The following OPCML variants were observed in gnomAD, a reference collection of about 807,000 sequenced individuals.
OPCML encodes opioid-binding protein/cell adhesion molecule.
In OPCML, 13 loss-of-function variants were observed where a neutral mutation model predicts 37.8. The observed-to-expected ratio is 0.34, with a 90% CI of 0.22 to 0.55. The LOEUF is 0.55. Among genes scored for constraint, OPCML ranks in the 20% least tolerant of loss-of-function variants. OPCML has a pLI of 0.91. For synonymous variants in OPCML, 176 were observed against 168.8 expected (o/e 1.04, Z -0.33); for missense variants, 341 against 435.6 (o/e 0.78, Z 1.93).
At chr11:133,281,007 A>G (rs993129091) in intron 1 of OPCML, among the ~76,000 whole-genome samples, 1 of 152,184 alleles carries the variant, frequency 6.6e-6, no homozygotes, top group African/African-American at 2.4e-5. Context: ...CTGGTAGCTC[A>G]AGAGTTTCAA....
intron 2 of OPCML, among the ~76,000 whole-genome samples, chr11:132,663,332 C>G (rs1485452306): frequency 6.6e-6 from 1 of 152,172 alleles, no homozygotes; most frequent in African/African-American, 2.4e-5. Flanking sequence ...CATAAGGAGA[C>G]TTATATGTGG....
At chr11:132,660,982 T>C (rs1177279352) in intron 2 of OPCML, among the ~76,000 whole-genome samples, 4 of 152,176 alleles carry the variant, frequency 2.6e-5, no homozygotes, top group African/African-American at 9.7e-5. Flanking sequence ...TCGTTGTCCT[T>C]GTATAGGACC....
chr11:133,112,399 TTTG>T (rs1364842481), intron 1 of OPCML, among the ~76,000 whole-genome samples: 1 of 150,602 alleles, frequency 6.6e-6, no homozygotes, highest in Non-Finnish European at 1.5e-5. Flanking sequence ...AAAATCAACA[TTTG>T]TTGTGATGCT....
chr11:133,495,533 G>A (rs927119038), intron 1 of OPCML, among the ~76,000 whole-genome samples: 5 of 152,158 alleles, frequency 3.3e-5, no homozygotes, highest in Non-Finnish European at 4.4e-5. Flanking sequence ...GTGGAGAAGC[G>A]TTCCCTGATC....
intron 1 of OPCML, among the ~76,000 whole-genome samples, chr11:133,417,427 G>A (rs1473166755): frequency 6.6e-6 from 1 of 152,160 alleles, no homozygotes; most frequent in East Asian, 1.9e-4. Context: ...ATTTGCCCAA[G>A]ATCACAGAGC....
intron 1 of OPCML, among the ~76,000 whole-genome samples, chr11:133,432,009 C>G (rs1342345069): frequency 1.3e-5 from 2 of 152,018 alleles, no homozygotes; most frequent in Non-Finnish European, 2.9e-5. Flanking sequence ...GAACCAAATA[C>G]TGCATGTTCT....
intron 2 of OPCML, among the ~76,000 whole-genome samples, chr11:132,813,983 C>G (rs1939490510): frequency 6.6e-6 from 1 of 152,228 alleles, no homozygotes; most frequent in Non-Finnish European, 1.5e-5. Flanking sequence ...ACAATCACCT[C>G]TTTAGTGGTT....
intron 1 of OPCML, among the ~76,000 whole-genome samples, chr11:133,224,200 G>A (rs1939946934): frequency 6.6e-6 from 1 of 152,172 alleles, no homozygotes; most frequent in African/African-American, 2.4e-5. Context: ...AGTGGCCGGT[G>A]GTGGTTTCTG....
intron 2 of OPCML, among the ~76,000 whole-genome samples, chr11:132,682,187 C>T (rs1404170364): frequency 6.6e-6 from 1 of 152,156 alleles, no homozygotes; most frequent in African/African-American, 2.4e-5. Flanking sequence ...CTCTCTCCCA[C>T]AAGAGGTTGA....
rs1057501502 is a variant in OPCML, at chr11:133,177,547, G to A, written c.62-234537C>T. On this transcript the variant is annotated intron_variant, in intron 1 of 7. Transcript: ENST00000524381. The surrounding 1 kb of genome is among the most constrained non-coding windows in gnomAD (Gnocchi z 5.0). ...TGCACCAGACCCTAGCTTTCCCAGGGAAAGGAACTCTAGAATCTAATAGTT... is the reference window on the plus strand; with the variant it reads ...TGCACCAGACCCTAGCTTTCCCAGGAAAAGGAACTCTAGAATCTAATAGTT... Among the ~76,000 whole-genome samples the A allele has an allele frequency of 7.2e-5, 11 of 152,164 alleles. No individual in the cohort carries two copies. Among genetic ancestry groups the A allele is most frequent in the Non-Finnish European group, 1.2e-4 (8 of 68,022 alleles).
intron 2 of OPCML, among the ~76,000 whole-genome samples, chr11:132,705,537 G>T (rs967624979): frequency 6.6e-6 from 1 of 152,038 alleles, no homozygotes; most frequent in African/African-American, 2.4e-5. Flanking sequence ...AGGGTGCAGT[G>T]AGCCCAGATT....
At chr11:133,150,089 G>C (rs931813190) in intron 1 of OPCML, among the ~76,000 whole-genome samples, 1 of 152,256 alleles carries the variant, frequency 6.6e-6, no homozygotes, top group Non-Finnish European at 1.5e-5. Flanking sequence ...GGCCACAGCA[G>C]TTTTCTTTTG....
intron 2 of OPCML, among the ~76,000 whole-genome samples, chr11:132,907,793 C>G (rs1045587064): frequency 2.0e-5 from 3 of 148,836 alleles, no homozygotes; most frequent in Non-Finnish European, 4.4e-5. Context: ...GCACGTTGCT[C>G]TGTTACAGCA....
At chr11:132,507,475 G>A (rs2096259677) in intron 4 of OPCML, among the ~76,000 whole-genome samples, 1 of 151,696 alleles carries the variant, frequency 6.6e-6, no homozygotes, top group African/African-American at 2.4e-5. Flanking sequence ...GTATACTATT[G>A]TGTGCTCATA....
At chr11:133,112,379 G>A (rs1376347355) in intron 1 of OPCML, among the ~76,000 whole-genome samples, 3 of 141,142 alleles carry the variant, frequency 2.1e-5, no homozygotes, top group African/African-American at 7.7e-5. Context: ...AAAAATAAAC[G>A]TTGATACTAA....
chr11:132,471,921 C>G (rs1474484959), intron 4 of OPCML, among the ~76,000 whole-genome samples: 1 of 152,168 alleles, frequency 6.6e-6, no homozygotes, highest in African/African-American at 2.4e-5. Flanking sequence ...TTTGCCTTCA[C>G]TTTCCCTCAC....
chr11:132,989,790 T>C (rs1188396530), intron 1 of OPCML, among the ~76,000 whole-genome samples: 2 of 152,172 alleles, frequency 1.3e-5, no homozygotes, highest in African/African-American at 2.4e-5. Flanking sequence ...CTGAGATTCA[T>C]TTAAAAAATA....
chr11:133,400,408 T>C (rs979511334), intron 1 of OPCML, among the ~76,000 whole-genome samples: 82 of 152,302 alleles, frequency 5.4e-4, no homozygotes, highest in African/African-American at 1.9e-3. Context: ...TGCTCTTTGC[T>C]CCTTCCGCTA....
At chr11:132,503,128 C>T (rs925276929) in intron 4 of OPCML, among the ~76,000 whole-genome samples, 6 of 152,162 alleles carry the variant, frequency 3.9e-5, no homozygotes, top group South Asian at 2.1e-4. Flanking sequence ...GGGATATAGG[C>T]ACTAAGGAAA....
Sources: allele counts gnomAD v4.1 joint callset (sites outside exome capture counted in the v4.1 genomes callset), GRCh38; gene constraint gnomAD v4.1.1; non-coding constraint Gnocchi (gnomAD v3.1); transcripts MANE v1.5; gene names NCBI Gene and HGNC (gene_info 2026-07-23, HGNC 2026-07-21).